Variants in ROBO2 observed in about 807,000 individuals in gnomAD.
The protein encoded by ROBO2 is roundabout homolog 2.
Under a neutral mutation model 160.8 loss-of-function variants are expected in ROBO2, and 53 were observed. The ratio of observed to expected loss-of-function variants is 0.33; its 90% CI spans 0.26 to 0.41. The LOEUF (loss-of-function observed/expected upper bound fraction) is 0.41, where lower values mean the gene tolerates loss of function less well. ROBO2 is among the 10% of genes least tolerant of loss of function. The pLI is 1.00. For synonymous variants in ROBO2, 664 were observed against 611.7 expected (o/e 1.09, Z -1.26); for missense variants, 1,577 against 1,722.4 (o/e 0.92, Z 1.49).
chr3:75,950,008 C>T, intron 2 of ROBO2, among the ~76,000 whole-genome samples: 1 of 107,950 alleles, frequency 9.3e-6, no homozygotes, highest in Non-Finnish European at 1.9e-5. Context: ...ATGGTTTTAT[C>T]ACTACATATG....
chr3:76,159,490 G>C (rs1326410263), intron 2 of ROBO2, among the ~76,000 whole-genome samples: 1 of 152,106 alleles, frequency 6.6e-6, no homozygotes, highest in African/African-American at 2.4e-5. Context: ...GCTACTTGTA[G>C]TATCCTTCAG....
At chr3:77,029,950 CTTT>C (rs965579096) in intron 2 of ROBO2, among the ~76,000 whole-genome samples, 1 of 144,730 alleles carries the variant, frequency 6.9e-6, no homozygotes, top group Non-Finnish European at 1.5e-5. Flanking sequence ...CCATTCAGTT[CTTT>C]TTTTTTTTTT....
chr3:77,552,746 A>T (rs2092964278), intron 8 of ROBO2, among the ~76,000 whole-genome samples: 1 of 152,040 alleles, frequency 6.6e-6, no homozygotes, highest in African/African-American at 2.4e-5. Flanking sequence ...ACAGTAAAGA[A>T]ATGAAACTAT....
intron 13 of ROBO2, among the ~76,000 whole-genome samples, chr3:77,571,016 C>CTT (rs2093625124): frequency 6.6e-6 from 1 of 151,976 alleles, no homozygotes; most frequent in East Asian, 1.9e-4. Context: ...AAGAAACCTG[C>CTT]TGTTCCACAA....
rs970024009 is a variant in ROBO2, at chr3:76,462,993, T to C, written c.109+525391T>C. On this transcript the variant is annotated intron_variant, in intron 2 of 26. Transcript: ENST00000487694. Reference sequence around the variant, plus strand: ...ATCCACAGGCCCAGTCTGAACAGTGTGTAGGTCCACTCACTTTGCCCATCA... The same window carrying C: ...ATCCACAGGCCCAGTCTGAACAGTGCGTAGGTCCACTCACTTTGCCCATCA... Among the ~76,000 whole-genome samples, 7 of 151,540 alleles carry C rather than the reference T, an allele frequency of 4.6e-5. 1 individual carries two copies. The highest frequency in any genetic ancestry group is 1.0e-4 in the Non-Finnish European group (7 of 68,040).
chr3:76,639,507 G>A lies in ROBO2; in HGVS notation c.110-458507G>A, dbSNP rs1051739225. On this transcript the variant is annotated intron_variant, in intron 2 of 26. Transcript: ENST00000487694. ...ACACACACATATCCCCAAACTGAGA[G>A]AACAAATTAGTACTATGAAACGAGG... Among the ~76,000 whole-genome samples the A allele has an allele frequency of 6.2e-4, 94 of 151,408 alleles. 1 individual carries two copies. Among genetic ancestry groups the A allele is most frequent in the Non-Finnish European group, 2.5e-4 (17 of 67,886 alleles).
At chr3:77,348,840 T>C (rs2067975294) in intron 2 of ROBO2, among the ~76,000 whole-genome samples, 1 of 152,094 alleles carries the variant, frequency 6.6e-6, no homozygotes, top group Non-Finnish European at 1.5e-5. Flanking sequence ...AAGTCCTCAT[T>C]ATCTTCCTTG....
intron 19 of ROBO2, among the ~76,000 whole-genome samples, chr3:77,597,725 T>G (rs1287351460): frequency 6.6e-6 from 1 of 151,352 alleles, no homozygotes; most frequent in East Asian, 1.9e-4. Context: ...AAAAAAAAAG[T>G]GTTTAGAAAA....
intron 2 of ROBO2, among the ~76,000 whole-genome samples, chr3:76,790,133 T>G (rs2063261604): frequency 6.6e-6 from 1 of 151,700 alleles, no homozygotes; most frequent in African/African-American, 2.4e-5. Flanking sequence ...TACTGCTGAA[T>G]CAATCAAACT....
chr3:77,378,028 A>AT (rs1171691031), intron 2 of ROBO2, among the ~76,000 whole-genome samples: 2 of 152,132 alleles, frequency 1.3e-5, no homozygotes, highest in Admixed American at 1.3e-4. Context: ...TGGATGAAAG[A>AT]TTTATCTGTT....
At chr3:77,143,623 C>G (rs1368753633) in intron 2 of ROBO2, among the ~76,000 whole-genome samples, 2 of 152,142 alleles carry the variant, frequency 1.3e-5, no homozygotes, top group Admixed American at 1.3e-4. Flanking sequence ...AGTGCCTCTT[C>G]TTTTAGCTGT....
intron 2 of ROBO2, among the ~76,000 whole-genome samples, chr3:77,360,898 A>ATTTT (rs113680665): frequency 6.7e-6 from 1 of 149,494 alleles, no homozygotes; most frequent in African/African-American, 2.5e-5. Flanking sequence ...TTTTGTTTGC[A>ATTTT]TTTTTTTTTT....
rs531823201 is a variant in ROBO2, at chr3:76,639,417, T to C, written c.110-458597T>C. On this transcript the variant is annotated intron_variant, in intron 2 of 26. Coordinates refer to the ROBO2 transcript ENST00000487694. ...ATATATATACACATACATACATAAA[T>C]ACATATATAAACATATACGTGTATA... Among the ~76,000 whole-genome samples the C allele has an allele frequency of 4.0e-5, 6 of 151,860 alleles. No individual in the cohort carries two copies. In the South Asian group the frequency reaches 1.2e-3, roughly 32 times the overall value.
chr3:77,000,124 C>T (rs1283912023), intron 2 of ROBO2, among the ~76,000 whole-genome samples: 3 of 152,064 alleles, frequency 2.0e-5, no homozygotes, highest in Non-Finnish European at 4.4e-5. Flanking sequence ...AGAACCAGGT[C>T]CTGATTTTGG....
At chr3:77,601,783 A>T (rs1218348060) in intron 19 of ROBO2, among the ~76,000 whole-genome samples, 2 of 152,204 alleles carry the variant, frequency 1.3e-5, no homozygotes, top group Non-Finnish European at 2.9e-5. Context: ...GTTAGCATGT[A>T]TTTAGCAGTT....
intron 2 of ROBO2, among the ~76,000 whole-genome samples, chr3:77,250,563 TC>T (rs993866640): frequency 6.6e-6 from 1 of 152,210 alleles, no homozygotes; most frequent in African/African-American, 2.4e-5. Flanking sequence ...GGTCTTTTTT[TC>T]CCCGGAATCA....
intron 2 of ROBO2, among the ~76,000 whole-genome samples, chr3:76,448,089 CAAAA>C (rs980031575): frequency 6.7e-6 from 1 of 150,286 alleles, no homozygotes; most frequent in African/African-American, 2.4e-5. Context: ...TGAAATAAAA[CAAAA>C]AAAGAAAAAA....
intron 2 of ROBO2, among the ~76,000 whole-genome samples, chr3:77,327,398 G>A (rs1274610459): frequency 1.3e-5 from 2 of 152,148 alleles, no homozygotes; most frequent in Non-Finnish European, 2.9e-5. Flanking sequence ...GGAGATGGGA[G>A]AAAGAGAAAG....
intron 2 of ROBO2, among the ~76,000 whole-genome samples, chr3:76,027,084 A>G (rs991303742): frequency 3.3e-5 from 5 of 151,774 alleles, no homozygotes; most frequent in Admixed American, 1.3e-4. Context: ...TATTTTTATG[A>G]CTCCCAATTT....
Sources: allele counts gnomAD v4.1 joint callset (sites outside exome capture counted in the v4.1 genomes callset), GRCh38; gene constraint gnomAD v4.1.1; transcripts MANE v1.5; gene names NCBI Gene and HGNC (gene_info 2026-07-23, HGNC 2026-07-21).